NRG3: variants seen among roughly 807,000 people sequenced by gnomAD.
The protein encoded by NRG3 is pro-neuregulin-3, membrane-bound isoform.
A neutral mutation model predicts 66.9 loss-of-function variants in NRG3; 31 were observed. That is an observed-to-expected ratio of 0.46 (90% CI 0.35 to 0.63). NRG3 has a LOEUF of 0.63. Ranked by LOEUF, NRG3 falls within the 20% of genes least tolerant of loss-of-function variation. The pLI is 0.00. For missense variants in NRG3, 910 were observed against 878.9 expected, an observed-to-expected ratio of 1.04 and a Z score of -0.45; for synonymous variants, 393 against 359.4, an observed-to-expected ratio of 1.09 and a Z score of -1.06.
intron 2 of NRG3, among the ~76,000 whole-genome samples, chr10:82,662,326 T>C (rs1320993722): frequency 1.3e-5 from 2 of 152,060 alleles, no homozygotes; most frequent in African/African-American, 4.8e-5. Context: ...TAGAAAACTT[T>C]TAAAGTCATC....
intron 2 of NRG3, among the ~76,000 whole-genome samples, chr10:82,530,879 T>A (rs1847183151): frequency 6.6e-6 from 1 of 151,870 alleles, no homozygotes; most frequent in Admixed American, 6.6e-5. Flanking sequence ...TGAGAAGGCC[T>A]AGAGTTTTGC....
intron 1 of NRG3, among the ~76,000 whole-genome samples, chr10:81,969,985 A>T: frequency 6.6e-6 from 1 of 152,132 alleles, no homozygotes; most frequent in Non-Finnish European, 1.5e-5. Context: ...GGAGACTCCG[A>T]TTTAAATATT....
chr10:82,318,981 C>T (rs1441567438), intron 1 of NRG3, among the ~76,000 whole-genome samples: 1 of 151,994 alleles, frequency 6.6e-6, no homozygotes, highest in East Asian at 1.9e-4. Flanking sequence ...TTTCCTTGTG[C>T]AGAAAAAACA....
chr10:82,093,439 TG>T (rs930064795), intron 1 of NRG3, among the ~76,000 whole-genome samples: 2 of 152,212 alleles, frequency 1.3e-5, no homozygotes, highest in Admixed American at 6.5e-5. Context: ...TAGTTAAAGT[TG>T]GCAGTAATTA....
chr10:81,887,740 G>C (rs1181100422), intron 1 of NRG3, among the ~76,000 whole-genome samples: 1 of 152,064 alleles, frequency 6.6e-6, no homozygotes, highest in Admixed American at 6.6e-5. Flanking sequence ...TGCAATGTTG[G>C]TCCAAAAGAG....
chr10:82,173,299 A>G (rs2072773060), intron 1 of NRG3, among the ~76,000 whole-genome samples: 1 of 151,900 alleles, frequency 6.6e-6, no homozygotes, highest in Non-Finnish European at 1.5e-5. Flanking sequence ...GTCATTCAGG[A>G]CTGTTTGACA....
At chr10:82,040,547 C>G (rs191047075) in intron 1 of NRG3, among the ~76,000 whole-genome samples, 17 of 152,120 alleles carry the variant, frequency 1.1e-4, no homozygotes, top group Admixed American at 6.6e-4. Flanking sequence ...CTGGCACATG[C>G]ATTCTACAAG....
intron 1 of NRG3, among the ~76,000 whole-genome samples, chr10:82,038,882 C>T (rs1033859184): frequency 4.6e-5 from 7 of 152,084 alleles, no homozygotes; most frequent in African/African-American, 1.7e-4. Flanking sequence ...ACTTGTCCTC[C>T]CTGATCAACA....
intron 1 of NRG3, among the ~76,000 whole-genome samples, chr10:81,994,084 T>C (rs926024577): frequency 6.6e-6 from 1 of 152,030 alleles, no homozygotes; most frequent in Non-Finnish European, 1.5e-5. Flanking sequence ...ATTTCTAGGG[T>C]TTTTCTCTGT....
At chr10:82,088,417 C>T (rs777742290) in intron 1 of NRG3, among the ~76,000 whole-genome samples, 11 of 152,060 alleles carry the variant, frequency 7.2e-5, no homozygotes, top group East Asian at 1.9e-4. Flanking sequence ...TACAGCCCAA[C>T]GGCAAACTAT....
At chr10:82,408,099 GAA>G (rs1227938832) in intron 2 of NRG3, among the ~76,000 whole-genome samples, 11 of 126,466 alleles carry the variant, frequency 8.7e-5, no homozygotes, top group African/African-American at 3.4e-4. Flanking sequence ...AAGAAAGAAA[GAA>G]AGAAAGAAAG....
intron 1 of NRG3, among the ~76,000 whole-genome samples, chr10:82,297,428 G>A (rs1054007483): frequency 3.3e-5 from 5 of 152,152 alleles, no homozygotes; most frequent in Non-Finnish European, 5.9e-5. Flanking sequence ...CAGGGCAGAT[G>A]ACTGCCAGTA....
chr10:82,225,817 G>A (rs2076138422), intron 1 of NRG3, among the ~76,000 whole-genome samples: 1 of 152,102 alleles, frequency 6.6e-6, no homozygotes, highest in Non-Finnish European at 1.5e-5. Context: ...TTGAGAGAAA[G>A]TTTGTATATA....
intron 3 of NRG3, among the ~76,000 whole-genome samples, chr10:82,744,422 A>G (rs904898184): frequency 2.0e-5 from 3 of 152,118 alleles, no homozygotes; most frequent in African/African-American, 7.2e-5. Context: ...GTTTCCTTAC[A>G]TTGGAAGGCA....
chr10:82,182,237 A>C (rs2073476249), intron 1 of NRG3, among the ~76,000 whole-genome samples: 1 of 151,364 alleles, frequency 6.6e-6, no homozygotes, highest in Admixed American at 6.6e-5. Context: ...TAATGCATTC[A>C]CATTAAAGGA....
At chr10:82,721,094 GTTTA>G (rs1194390114) in intron 2 of NRG3, among the ~76,000 whole-genome samples, 1 of 93,314 alleles carries the variant, frequency 1.1e-5, no homozygotes, top group Non-Finnish European at 2.5e-5. Flanking sequence ...TTGTTTGTTT[GTTTA>G]TTTATTTTGA....
At chr10:82,660,196 C>CAA (rs58870828) in intron 2 of NRG3, among the ~76,000 whole-genome samples, 13 of 19,560 alleles carry the variant, frequency 6.6e-4, no homozygotes, top group South Asian at 3.0e-3. Flanking sequence ...AACTCCCTCT[C>CAA]AAAAAAAAAA....
intron 1 of NRG3, among the ~76,000 whole-genome samples, chr10:81,936,150 T>A (rs911860549): frequency 6.6e-6 from 1 of 152,144 alleles, no homozygotes; most frequent in Non-Finnish European, 1.5e-5. Context: ...TGAATAATTA[T>A]ACCTGGGACC....
chr10:82,791,656 TGG>T (rs1262495988), intron 3 of NRG3, among the ~76,000 whole-genome samples: 3 of 152,186 alleles, frequency 2.0e-5, no homozygotes, highest in Non-Finnish European at 4.4e-5. Context: ...TGTGAATCCC[TGG>T]GAATATGTAG....
Sources: gnomAD v4.1 joint callset for allele counts (sites outside exome capture counted in the v4.1 genomes callset) on GRCh38, gnomAD v4.1.1 for gene constraint, MANE v1.5 for transcripts, NCBI Gene and HGNC (gene_info 2026-07-23, HGNC 2026-07-21) for gene names.